The following EPC2 variants were observed in gnomAD, a reference collection of about 807,000 sequenced individuals.
The protein encoded by EPC2 is enhancer of polycomb homolog 2.
EPC2 carries 14 observed loss-of-function variants against 92.1 expected under a neutral mutation model. The observed-to-expected ratio is 0.15, with a 90% CI of 0.10 to 0.24. The LOEUF (loss-of-function observed/expected upper bound fraction) is 0.24. Ranked by LOEUF, EPC2 falls within the 10% of genes least tolerant of loss-of-function variation. The probability of loss-of-function intolerance (pLI) is 1.00; values close to 1 mark genes in which losing one functional copy is unlikely to be tolerated. For missense variants in EPC2, 755 were observed against 971.5 expected (o/e 0.78, Z 2.96); for synonymous variants, 340 against 334.7 (o/e 1.02, Z -0.17).
intron 5 of EPC2, 120 bp downstream of exon 5, chr2:148,762,050 A>AC: frequency 1.3e-6 from 1 of 759,546 alleles, no homozygotes; most frequent in Non-Finnish European, 2.0e-6. Context: ...TTGATTCTGT[A>AC]AGAATTTATA....
chr2:148,743,468 C>CA (rs1676895729), intron 2 of EPC2, among the ~76,000 whole-genome samples, 154 bp from the exon 3 acceptor site: 1 of 151,988 alleles, frequency 6.6e-6, no homozygotes, highest in African/African-American at 2.4e-5. Flanking sequence ...TTCCACTGTG[C>CA]AGTAAGTCTC....
intron 10 of EPC2, among the ~76,000 whole-genome samples, chr2:148,771,988 A>G (rs1683531876): frequency 6.6e-6 from 1 of 151,944 alleles, no homozygotes; most frequent in South Asian, 2.1e-4. Context: ...TAGTAGAGAC[A>G]GAGTTTCGCC....
At chr2:148,666,966 C>G (rs1214708881) in intron 1 of EPC2, among the ~76,000 whole-genome samples, 1 of 150,948 alleles carries the variant, frequency 6.6e-6, no homozygotes. Context: ...TCTTATAAGT[C>G]TAAACTCTCT....
intron 1 of EPC2, among the ~76,000 whole-genome samples, chr2:148,674,985 G>A (rs1172372522): frequency 3.9e-5 from 6 of 152,144 alleles, no homozygotes; most frequent in Non-Finnish European, 8.8e-5. Flanking sequence ...TATTAGTTCT[G>A]TTGCATTGTT....
chr2:148,763,485 T>C (rs889881571), intron 6 of EPC2, among the ~76,000 whole-genome samples: 3 of 152,208 alleles, frequency 2.0e-5, no homozygotes, highest in African/African-American at 7.2e-5. Context: ...AAACAGATAT[T>C]GACTGAAGCT....
chr2:148,654,856 A>G (rs926427151), intron 1 of EPC2, among the ~76,000 whole-genome samples: 3 of 152,204 alleles, frequency 2.0e-5, no homozygotes, highest in African/African-American at 7.2e-5. Context: ...TGGGCCCTGA[A>G]TAATTAATAA....
intron 1 of EPC2, 168 bp downstream of exon 1, chr2:148,645,338 AGCGCCCGCCC>A (rs1232636847): frequency 2.4e-5 from 14 of 575,456 alleles, no homozygotes; most frequent in South Asian, 1.1e-4. Flanking sequence ...CGGCCGGCGT[AGCGCCCGCCC>A]GCGGCCGCCA....
chr2:148,786,111 T>G (rs764862888), intron 13 of EPC2, among the ~76,000 whole-genome samples, 194 bp from the exon 14 acceptor site: 1 of 152,180 alleles, frequency 6.6e-6, no homozygotes, highest in Non-Finnish European at 1.5e-5. Context: ...ATAAAAAAAT[T>G]AGGAATTAAT....
chr2:148,739,768 T>G (rs1682839575), intron 2 of EPC2, among the ~76,000 whole-genome samples: 1 of 151,718 alleles, frequency 6.6e-6, no homozygotes, highest in Non-Finnish European at 1.5e-5. Flanking sequence ...CTTCTAATAG[T>G]AGTCATGCAC....
intron 1 of EPC2, among the ~76,000 whole-genome samples, chr2:148,683,788 G>T (rs1681459581): frequency 1.3e-5 from 2 of 152,280 alleles, no homozygotes; most frequent in South Asian, 4.1e-4. Flanking sequence ...GAGCATTTAG[G>T]CTGGTTTCAT....
At chr2:148,687,224 T>C (rs1192655919) in intron 1 of EPC2, among the ~76,000 whole-genome samples, 2 of 152,242 alleles carry the variant, frequency 1.3e-5, no homozygotes, top group Non-Finnish European at 2.9e-5. Flanking sequence ...ACTTTTTTCC[T>C]GTAGCTTTTT....
At chr2:148,647,115 A>G (rs1683819849) in intron 1 of EPC2, among the ~76,000 whole-genome samples, 1 of 152,144 alleles carries the variant, frequency 6.6e-6, no homozygotes. Flanking sequence ...GTCCCCCCCA[A>G]CAACAAAAAA....
chr2:148,748,494 T>A (rs1482740761), intron 3 of EPC2, among the ~76,000 whole-genome samples: 2 of 151,976 alleles, frequency 1.3e-5, no homozygotes, highest in Non-Finnish European at 2.9e-5. Context: ...TCAAACCAGT[T>A]TTTTGTTCCA....
At chr2:148,695,143 T>C (rs561365697) in intron 2 of EPC2, among the ~76,000 whole-genome samples, 45 of 152,354 alleles carry the variant, frequency 3.0e-4, no homozygotes, top group African/African-American at 1.1e-3. Context: ...AAATAGTTCT[T>C]GGTAGCAGGA....
At chr2:148,691,410 G>A (rs1327970813) in intron 2 of EPC2, 2 of 1,098,846 alleles carry the variant, frequency 1.8e-6, no homozygotes, top group East Asian at 2.6e-5. Flanking sequence ...GAGAATCTCT[G>A]GGTGTGAAGT....
rs192639291 is a variant in EPC2 at position 148,694,616 on chromosome 2, C to G, written c.313+4243C>G. Among the ~76,000 whole-genome samples the G allele has an allele frequency of 4.2e-3, 633 of 152,334 alleles. 3 individuals carry two copies. Among genetic ancestry groups the G allele is most frequent in the African/African-American group, 0.015 (613 of 41,582 alleles). ...AATTTTATTAAATTCAGTACCCAAA[C>G]TTTTCTCTTTAAGGAAACAACTTTG... is the stretch of plus-strand genomic sequence containing the variant. On this transcript the variant is annotated intron_variant, in intron 2 of 13. Transcript: ENST00000258484.
intron 1 of EPC2, among the ~76,000 whole-genome samples, chr2:148,672,914 G>A (rs1195862876): frequency 6.6e-6 from 1 of 152,060 alleles, no homozygotes; most frequent in Non-Finnish European, 1.5e-5. Context: ...TTACTTATCT[G>A]GGAGGTTTTT....
rs116382541 is a variant in EPC2, at chr2:148,666,201, C to T, written c.153+21031C>T. On this transcript the variant is annotated intron_variant, in intron 1 of 13. Transcript: ENST00000258484. ...GTCAGCCCAGGTTTGAGTGCAATGG[C>T]ATGATCATGGCTTACTGTGGGCTTC... Among the ~76,000 whole-genome samples the T allele has an allele frequency of 4.5e-3, 692 of 152,276 alleles. 1 individual carries two copies. Among genetic ancestry groups the T allele is most frequent in the African/African-American group, 0.016 (647 of 41,576 alleles).
intron 3 of EPC2, among the ~76,000 whole-genome samples, chr2:148,749,976 G>A (rs1280577431): frequency 2.6e-5 from 4 of 152,082 alleles, no homozygotes; most frequent in Non-Finnish European, 5.9e-5. Context: ...TATGACTGCA[G>A]AGAAGGTTAG....
Sources: gnomAD v4.1 joint callset for allele counts (sites outside exome capture counted in the v4.1 genomes callset) on GRCh38, gnomAD v4.1.1 for gene constraint, MANE v1.5 for transcripts, NCBI Gene and HGNC (gene_info 2026-07-23, HGNC 2026-07-21) for gene names.